MYOM1: variants seen among roughly 807,000 people sequenced by gnomAD.
MYOM1 encodes myomesin-1.
In MYOM1, 164 loss-of-function variants were observed where a neutral mutation model predicts 205.3. The ratio of observed to expected loss-of-function variants is 0.80; its 90% confidence interval spans 0.70 to 0.91. The LOEUF (loss-of-function observed/expected upper bound fraction) is 0.91, where lower values mean the gene tolerates loss of function less well. Among genes scored for constraint, MYOM1 ranks in the 40% least tolerant of loss-of-function variants. MYOM1 has a pLI of 0.00. For missense variants in MYOM1, 2,011 were observed against 2,127.3 expected (o/e 0.95, Z 1.08); for synonymous variants, 772 against 789.4 (o/e 0.98, Z 0.37).
chr18:3,174,486 C>CAAAAA (rs34464336), intron 6 of MYOM1, among the ~76,000 whole-genome samples: 1 of 149,218 alleles, frequency 6.7e-6, no homozygotes. Flanking sequence ...TTTAAAATGT[C>CAAAAA]AAAAAAAAAA....
intron 12 of MYOM1, among the ~76,000 whole-genome samples, chr18:3,150,690 C>T (rs1239234979): frequency 1.3e-5 from 2 of 152,272 alleles, no homozygotes; most frequent in East Asian, 1.9e-4. Flanking sequence ...TGTCATTTTA[C>T]GTTCCCTATT....
intron 19 of MYOM1, among the ~76,000 whole-genome samples, chr18:3,125,048 A>C (rs916273132): frequency 1.3e-5 from 2 of 152,252 alleles, no homozygotes; most frequent in African/African-American, 4.8e-5. Context: ...GACTGTGTAC[A>C]TAGGAAAGGA....
intron 6 of MYOM1, 126 bp from the exon 7 acceptor site, chr18:3,174,334 G>A: frequency 1.4e-6 from 1 of 740,120 alleles, no homozygotes; most frequent in Non-Finnish European, 2.3e-6. Context: ...TGGCTCTTTG[G>A]TTCTCCTGGT....
rs950243549 is a variant in MYOM1 at position 3,209,555 on chromosome 18, C to T, written c.290+5379G>A. Among the ~76,000 whole-genome samples, 3 of 152,188 alleles carry T rather than the reference C, an allele frequency of 2.0e-5. No individual in the cohort carries two copies. The highest frequency in any genetic ancestry group is 4.4e-5 in the Non-Finnish European group (3 of 68,040). On this transcript the variant is annotated intron_variant, in intron 2 of 37. Transcript: ENST00000356443. The surrounding 1 kb of genome is among the most constrained non-coding windows in gnomAD (Gnocchi z 4.0). ...ACAGGCCCTCCATGATCAGTCCTGC[C>T]CAACCCATCACCTTTCTGACATCCT...
chr18:3,102,539 G>A lies in MYOM1; in HGVS notation c.3510C>T (p.Ser1170=). 6.2e-7 allele frequency: 1 copy of A among 1,613,886 alleles called. No individual in the cohort carries two copies. Among genetic ancestry groups the A allele is most frequent in the South Asian group, 1.1e-5 (1 of 91,078 alleles). The change falls in exon 23 of 38, where the codon TCC becomes TCT. Residue 1170 remains serine, a synonymous_variant. Transcript: ENST00000356443. The part of the protein sequence containing the change: ...CDKMTPKSEF[S]WSKDYVSTED... The stretch of plus-strand genomic sequence containing the variant: ...CAGTGGATACATAATCTTTGGACCA[G>A]GAGAACTCGGACTTTGGAGTCATCT...
chr18:3,244,325 T>C, the MYOM1 span, among the ~76,000 whole-genome samples: 3 of 152,270 alleles, frequency 2.0e-5, 1 homozygote, highest in South Asian at 6.2e-4. Context: ...TTAAATGACA[T>C]AGAATTTGCT....
rs931226855 is a variant in MYOM1, at chr18:3,141,952, T to C, written c.2012A>G (p.Tyr671Cys). Residue 671 changes from tyrosine to cysteine, a missense_variant, in exon 14 of 38, where the codon TAC becomes TGC. By Grantham distance (194) the Tyr-to-Cys change is radical (BLOSUM62 -2). Transcript: ENST00000356443. ...PGQRGHEGIMYFVEKCEAGTE... is the reference protein window; with the variant it reads ...PGQRGHEGIMCFVEKCEAGTE... ...CTAGAGTCTTACCTTTTCCACAAAG[T>C]ACATAATGCCCTCATGACCACGCTG... The C allele has an allele frequency of 6.2e-7, 1 of 1,613,776 alleles. No individual in the cohort carries two copies. Among genetic ancestry groups the C allele is most frequent in the South Asian group, 1.1e-5 (1 of 91,074 alleles).
chr18:3,085,344 C>T (rs2079141174), intron 30 of MYOM1, among the ~76,000 whole-genome samples: 1 of 146,746 alleles, frequency 6.8e-6, no homozygotes, highest in African/African-American at 2.5e-5. Context: ...TATCCTTGAA[C>T]GCCTGGCCTC....
At chr18:3,086,251 G>A (rs1035587157) in intron 29 of MYOM1, 100 bp from the exon 30 acceptor site, 24 of 578,732 alleles carry the variant, frequency 4.1e-5, no homozygotes, top group Non-Finnish European at 6.9e-5. Flanking sequence ...AAAAAGCACT[G>A]AACGTGGAGT....
the MYOM1 span, among the ~76,000 whole-genome samples, chr18:3,229,355 T>C: frequency 6.7e-6 from 1 of 149,508 alleles, no homozygotes; most frequent in East Asian, 2.0e-4. Flanking sequence ...TTTTAAAAGC[T>C]CCTAAATGAT....
intron 37 of MYOM1, among the ~76,000 whole-genome samples, chr18:3,068,731 T>G (rs904886751): frequency 1.3e-5 from 2 of 152,202 alleles, no homozygotes; most frequent in African/African-American, 2.4e-5. Context: ...CCCTTGTTCT[T>G]GCTGACTAGA....
chr18:3,139,658 C>T (rs1458845483), intron 14 of MYOM1, among the ~76,000 whole-genome samples: 1 of 152,194 alleles, frequency 6.6e-6, no homozygotes, highest in African/African-American at 2.4e-5. Context: ...TGCAAATGTA[C>T]CCCAGGTCCC....
chr18:3,152,010 C>A lies in MYOM1; in HGVS notation c.1644-117G>T. 1 of 1,081,680 alleles carries A rather than the reference C, an allele frequency of 9.2e-7. No homozygotes were observed. The highest frequency in any genetic ancestry group is 1.3e-6 in the Non-Finnish European group (1 of 771,232). 67.0% of individuals were successfully genotyped at this position (1,081,680 alleles called of 1,614,324 possible). Reference sequence around the variant, plus strand: ...TCTTCTCCCTATAAAATATCCAAGTCAGGCGTGGCTCGCTACCTGGTGAAC... The same window carrying A: ...TCTTCTCCCTATAAAATATCCAAGTAAGGCGTGGCTCGCTACCTGGTGAAC... On this transcript the variant is annotated intron_variant, in intron 11 of 37. Coordinates refer to ENST00000356443, the MANE Select transcript of MYOM1 (RefSeq NM_003803.4). This position sits in a 1 kb window ranked among gnomAD's most constrained non-coding sequence, Gnocchi z 4.3.
At chr18:3,154,859 A>T in intron 11 of MYOM1, 88 bp downstream of exon 11, 1 of 1,440,034 alleles carries the variant, frequency 6.9e-7, no homozygotes, top group Non-Finnish European at 9.4e-7. Flanking sequence ...GCCAGAAAAG[A>T]AAATATTTCC....
rs755708585 is a variant in MYOM1 at position 3,155,044 on chromosome 18, C to T, written c.1546G>A (p.Val516Met). 6.2e-7 allele frequency: 1 copy of T among 1,613,440 alleles called. No homozygotes were observed. Among genetic ancestry groups the T allele is most frequent in the East Asian group, 2.2e-5 (1 of 44,876 alleles). The change falls in exon 11 of 38, where the codon GTG becomes ATG. Residue 516 changes from valine to methionine, a missense_variant. Physicochemically the swap from Val to Met is conservative, Grantham distance 21. Transcript: ENST00000356443. Reference protein sequence around the residue: ...IEGAPAAPLDVKCLEANKDYI... With the variant: ...IEGAPAAPLDMKCLEANKDYI... ...TCTTTGTTGGCCTCCAAGCACTTCA[C>T]ATCCAAGGGAGCAGCTGGGGCTCCT... is the stretch of plus-strand genomic sequence containing the variant.
the MYOM1 span, among the ~76,000 whole-genome samples, chr18:3,235,874 C>T: frequency 3.9e-5 from 6 of 152,080 alleles, no homozygotes; most frequent in South Asian, 4.2e-4. Context: ...CTTGAAGATG[C>T]GAAAGAGTTG....
chr18:3,215,660 G>T (rs1375245500), intron 1 of MYOM1, among the ~76,000 whole-genome samples: 1 of 151,884 alleles, frequency 6.6e-6, no homozygotes, highest in East Asian at 1.9e-4. Flanking sequence ...ACCAAAAAGG[G>T]TATGAAGTTT....
rs769607851 is a variant in MYOM1 at position 3,075,760 on chromosome 18, T to C, written c.4650A>G (p.Ala1550=). The C allele has an allele frequency of 3.2e-6, 5 of 1,586,352 alleles. No homozygotes were observed. Among genetic ancestry groups the C allele is most frequent in the Admixed American group, 1.8e-5 (1 of 56,138 alleles). ...GGAATTCAGCATAGGCCTCATCGTA[T>C]GCTTTAAAAGAAAAAAGAAAAGTTA... ...HQKTVDLSGQ[A]YDEAYAEFQR... The change falls in exon 35 of 38, where the codon GCA becomes GCG. Residue 1550 remains alanine (A), a splice_region_variant and synonymous_variant. Coordinates refer to ENST00000356443, the MANE Select transcript of MYOM1 (RefSeq NM_003803.4).
intron 8 of MYOM1, among the ~76,000 whole-genome samples, chr18:3,172,411 A>G (rs9944571): frequency 0.63 from 96,041 of 152,016 alleles, 30,555 homozygotes; most frequent in South Asian, 0.67. Flanking sequence ...ATGATGATAC[A>G]GTTGTGGAGA....
Sources: allele counts gnomAD v4.1 joint callset (sites outside exome capture counted in the v4.1 genomes callset), GRCh38; gene constraint gnomAD v4.1.1; non-coding constraint Gnocchi (gnomAD v3.1); transcripts MANE v1.5; gene names NCBI Gene and HGNC (gene_info 2026-07-23, HGNC 2026-07-21).